Variants in FEZ1 observed in about 807,000 individuals in gnomAD.
The protein encoded by FEZ1 is fasciculation and elongation protein zeta 1.
A neutral mutation model predicts 49.3 loss-of-function variants in FEZ1; 20 were observed. The observed-to-expected ratio is 0.41, with a 90% CI of 0.29 to 0.59. FEZ1 has a LOEUF of 0.59. Ranked by LOEUF, FEZ1 falls within the 20% of genes least tolerant of loss-of-function variation. FEZ1 has a pLI of 0.36. For missense variants in FEZ1, 413 were observed against 476.0 expected (o/e 0.87, Z 1.23); for synonymous variants, 170 against 180.9 (o/e 0.94, Z 0.48).
intron 3 of FEZ1, among the ~76,000 whole-genome samples, chr11:125,469,515 C>T (rs1957164869): frequency 6.6e-6 from 1 of 152,188 alleles, no homozygotes; most frequent in African/African-American, 2.4e-5. Context: ...CTGCCTCGGC[C>T]TCCTAAAGTG....
At chr11:125,467,999 T>C (rs1168863519) in intron 3 of FEZ1, among the ~76,000 whole-genome samples, 1 of 152,132 alleles carries the variant, frequency 6.6e-6, no homozygotes, top group Non-Finnish European at 1.5e-5. Context: ...CCAGTAAAAG[T>C]GGTAAATTGT....
chr11:125,454,217 G>A lies in FEZ1; in HGVS notation c.940-7C>T. ...TGCCTTCCATGCTGAAGCGCTGTGG[G>A]GGAGAGAGACTCAAGAAGGGCAAAT... On this transcript the variant is annotated splice_region_variant and splice_polypyrimidine_tract_variant and intron_variant, in intron 6 of 9. Coordinates refer to ENST00000278919, the MANE Select transcript of FEZ1 (RefSeq NM_005103.5). 1 of 1,611,854 alleles carries A rather than the reference G, an allele frequency of 6.2e-7. No homozygotes were observed. Among genetic ancestry groups the A allele is most frequent in the Non-Finnish European group, 8.5e-7 (1 of 1,178,528 alleles).
chr11:125,495,697 C>A lies in FEZ1; in HGVS notation c.-46+424G>T. 2.7e-6 allele frequency: 1 copy of A among 369,766 alleles called. No individual in the cohort carries two copies. Among genetic ancestry groups the A allele is most frequent in the Non-Finnish European group, 5.4e-6 (1 of 183,790 alleles). 22.9% of individuals were successfully genotyped at this position (369,766 alleles called of 1,614,324 possible). A position where few individuals can be genotyped will look rare whatever the true frequency, so the allele number is the denominator to read the frequency against. ...ACGGTCCCGGGACGAGGTACCGACC[C>A]ACTGCCCCAGCGCGATCGGGCGGCG... On this transcript the variant is annotated intron_variant, in intron 1 of 9. Transcript: ENST00000278919. This position sits in a 1 kb window ranked among gnomAD's most constrained non-coding sequence, Gnocchi z 4.2.
chr11:125,486,942 G>A (rs1014838939), intron 2 of FEZ1, among the ~76,000 whole-genome samples: 10 of 152,204 alleles, frequency 6.6e-5, no homozygotes, highest in Admixed American at 3.3e-4. Flanking sequence ...CCTAGAAAGT[G>A]TTGTGTTAAT....
intron 3 of FEZ1, among the ~76,000 whole-genome samples, chr11:125,465,894 C>T (rs1423337899): frequency 6.6e-6 from 1 of 152,188 alleles, no homozygotes; most frequent in Non-Finnish European, 1.5e-5. Context: ...TTCACAAGCC[C>T]TTGCCTCTTT....
At chr11:125,481,769 G>A in intron 2 of FEZ1, 136 bp from the exon 3 acceptor site, 1 of 687,210 alleles carries the variant, frequency 1.5e-6, no homozygotes, top group Non-Finnish European at 2.6e-6. Context: ...AGCATGCAGG[G>A]GCAAAGCAGC....
chr11:125,444,216 G>A lies in FEZ1; in HGVS notation c.*1879C>T, dbSNP rs927632086. Among the ~76,000 whole-genome samples, 3 of 152,176 alleles carry A rather than the reference G, an allele frequency of 2.0e-5. No individual in the cohort carries two copies. The highest frequency in any genetic ancestry group is 7.2e-5 in the African/African-American group (3 of 41,444). The stretch of plus-strand genomic sequence containing the variant: ...GGCAGATGCCTGGACTAGAGCTTTA[G>A]GCATTGCAGCAGTTTTCCTGGGGGG... On this transcript the variant is annotated 3_prime_UTR_variant, in exon 10 of 10. Coordinates refer to ENST00000278919, the MANE Select transcript of FEZ1 (RefSeq NM_005103.5).
Position 125,471,520 on chromosome 11 carries a change from A to G in FEZ1, c.412-7950T>C, listed in dbSNP as rs183897661. 8.0e-4 allele frequency among the ~76,000 whole-genome samples: 122 copies of G among 152,196 alleles called. 1 individual carries two copies. Among genetic ancestry groups the G allele is most frequent in the Middle Eastern group, 3.4e-3 (1 of 294 alleles). On this transcript the variant is annotated intron_variant, in intron 3 of 9. Coordinates refer to ENST00000278919, the MANE Select transcript of FEZ1 (RefSeq NM_005103.5). ...TGGCTACATTCATATCAAACAAAGT[A>G]GATTTTAAGATAAGCATTACAGAGA... is the stretch of plus-strand genomic sequence containing the variant.
chr11:125,472,083 C>T (rs1957188997), intron 3 of FEZ1, among the ~76,000 whole-genome samples: 2 of 152,002 alleles, frequency 1.3e-5, no homozygotes, highest in East Asian at 3.9e-4. Context: ...AAAACATACC[C>T]AATCAAAATA....
At chr11:125,469,733 CT>C (rs35644062) in intron 3 of FEZ1, among the ~76,000 whole-genome samples, 19,310 of 140,214 alleles carry the variant, frequency 0.14, 1,657 homozygotes, top group Admixed American at 0.3. Flanking sequence ...CCAGCTAATG[CT>C]TTTTTTTTTT....
chr11:125,492,748 C>G (rs1172563359), intron 1 of FEZ1, among the ~76,000 whole-genome samples: 1 of 152,114 alleles, frequency 6.6e-6, no homozygotes, highest in Non-Finnish European at 1.5e-5. Flanking sequence ...ATGAGATCAT[C>G]TTTGAAGTGT....
At chr11:125,486,999 C>T (rs620475) in intron 2 of FEZ1, among the ~76,000 whole-genome samples, 31,252 of 152,062 alleles carry the variant, frequency 0.21, 3,472 homozygotes, top group African/African-American at 0.28. Context: ...CAAATTATAC[C>T]TTATCTCGAA....
At chr11:125,493,508 G>GAGGA (rs1467645763) in intron 1 of FEZ1, among the ~76,000 whole-genome samples, 1 of 65,970 alleles carries the variant, frequency 1.5e-5, no homozygotes, top group Non-Finnish European at 3.0e-5. Flanking sequence ...GAAAGAAAGA[G>GAGGA]AGAAAGAAAG....
intron 6 of FEZ1, 126 bp downstream of exon 6, chr11:125,455,709 A>C (rs774627484): frequency 2.1e-6 from 2 of 946,440 alleles, no homozygotes; most frequent in Non-Finnish European, 1.7e-6. Context: ...CCTGTCTGTC[A>C]CAGTGTGCTG....
At chr11:125,490,015 T>A (rs1268481377) in intron 1 of FEZ1, among the ~76,000 whole-genome samples, 193 bp from the exon 2 acceptor site, 2 of 152,206 alleles carry the variant, frequency 1.3e-5, no homozygotes, top group Non-Finnish European at 1.5e-5. Context: ...GGGCAAGTGA[T>A]TAATTGCTCT....
intron 5 of FEZ1, 62 bp from the exon 6 acceptor site, chr11:125,456,168 C>A: frequency 6.8e-7 from 1 of 1,463,456 alleles, no homozygotes; most frequent in Non-Finnish European, 9.1e-7. Context: ...GCTGGGGAGG[C>A]TCCTGGGGCC....
intron 3 of FEZ1, among the ~76,000 whole-genome samples, chr11:125,476,606 A>G (rs1425354044): frequency 1.3e-5 from 2 of 152,164 alleles, no homozygotes; most frequent in Non-Finnish European, 2.9e-5. Context: ...ATGAGAAAGG[A>G]AAAGAACATC....
At chr11:125,481,667 T>C in intron 2 of FEZ1, 34 bp from the exon 3 acceptor site, 2 of 1,453,736 alleles carry the variant, frequency 1.4e-6, no homozygotes, top group Non-Finnish European at 1.9e-6. Context: ...TTAACACACA[T>C]CTGTGGCCTG....
At position 125,493,508 on chromosome 11, in the gene FEZ1, G is replaced by GAGAAAGAAAGAAAGAAAGAA. The variant is rs1309003744; in HGVS notation, c.-46+2593_-46+2612dup. On this transcript the variant is annotated intron_variant, in intron 1 of 9. Coordinates refer to ENST00000278919, the MANE Select transcript of FEZ1 (RefSeq NM_005103.5). The stretch of plus-strand genomic sequence containing the variant: ...AAAGAAGGAAAGAAAGAAAGAAAGA[G>GAGAAAGAAAGAAAGAAAGAA]AGAAAGAAAGAAAGAAAGAAAGAAA... Among the ~76,000 whole-genome samples the GAGAAAGAAAGAAAGAAAGAA allele has an allele frequency of 1.8e-4, 12 of 66,056 alleles. 1 individual carries two copies. Among genetic ancestry groups the GAGAAAGAAAGAAAGAAAGAA allele is most frequent in the Admixed American group, 5.4e-4 (3 of 5,536 alleles). 43.3% of individuals were successfully genotyped at this position (66,056 alleles called of 152,430 possible).
Sources: allele counts gnomAD v4.1 joint callset (sites outside exome capture counted in the v4.1 genomes callset), GRCh38; gene constraint gnomAD v4.1.1; non-coding constraint Gnocchi (gnomAD v3.1); transcripts MANE v1.5; gene names NCBI Gene and HGNC (gene_info 2026-07-23, HGNC 2026-07-21).